The following USP6 variants were observed in gnomAD, a reference collection of about 807,000 sequenced individuals.
USP6 encodes ubiquitin specific peptidase 6, also known as ubiquitin carboxyl-terminal hydrolase 6.
A neutral mutation model predicts 175.7 loss-of-function variants in USP6; 128 were observed. The observed-to-expected ratio is 0.73, with a 90% CI of 0.63 to 0.84. USP6 has a LOEUF of 0.84. USP6 is among the 40% of genes least tolerant of loss of function. USP6 has a pLI of 0.00. For synonymous variants in USP6, 562 were observed against 630.6 expected, an observed-to-expected ratio of 0.89 and a Z score of 1.63; for missense variants, 1,498 against 1,760.3, an observed-to-expected ratio of 0.85 and a Z score of 2.67.
intron 4 of USP6, among the ~76,000 whole-genome samples, chr17:5,121,953 G>A (rs1324125595): frequency 5.3e-5 from 8 of 152,134 alleles, no homozygotes; most frequent in Non-Finnish European, 1.2e-4. Context: ...ATTAGATCAC[G>A]TAGGCAATGG....
rs1405079416 is a variant in USP6 at position 5,135,903 on chromosome 17, G to C, written c.639G>C (p.Leu213=). ...CATTCTGGGCACTGGTGCAGCTGCT[G>C]GCCAGTGAGAGGCACTCCCTGCCAG... ...EDAFWALVQL[L]ASERHSLPGF... The change falls in exon 17 of 38, where the codon CTG becomes CTC. Residue 213 remains leucine (L), a synonymous_variant. Transcript: ENST00000574788. The C allele has an allele frequency of 6.3e-7, 1 of 1,598,910 alleles. No homozygotes were observed. Among genetic ancestry groups the C allele is most frequent in the South Asian group, 1.1e-5 (1 of 90,992 alleles).
chr17:5,172,374 A>C (rs1380046247), intron 37 of USP6, among the ~76,000 whole-genome samples: 1 of 150,244 alleles, frequency 6.7e-6, no homozygotes, highest in Non-Finnish European at 1.5e-5. Context: ...TACTAAAACT[A>C]CAAAAAATTA....
rs879005402 is a variant in USP6 at position 5,133,797 on chromosome 17, G to A, written c.385-90G>A. ...AACCTTCCTTCTTTCCTTCCTTCCC[G>A]AAGTGCTGACTGTGGGCTGACTGCC... is the stretch of plus-strand genomic sequence containing the variant. On this transcript the variant is annotated intron_variant, in intron 14 of 37. Coordinates refer to ENST00000574788, the MANE Select transcript of USP6 (RefSeq NM_001304284.2). The A allele has an allele frequency of 1.7e-5, 24 of 1,392,322 alleles. No homozygotes were observed. The highest frequency in any genetic ancestry group is 2.3e-5 in the South Asian group (2 of 86,388). The allele number at this position is 1,392,322 out of a possible 1,614,324, so 86.2% of individuals were successfully genotyped here. A position where few individuals can be genotyped will look rare whatever the true frequency, so the allele number is the denominator to read the frequency against.
In USP6 at chr17:5,149,276, G is replaced by A. The variant is rs148358012; in HGVS notation, c.2643+509G>A. Reference sequence around the variant, plus strand: ...AAATTAGCTGGGCATGGTGGCATGCGCCTGTAGTTTCAGCTACTTGAGAGG... The same window carrying A: ...AAATTAGCTGGGCATGGTGGCATGCACCTGTAGTTTCAGCTACTTGAGAGG... On this transcript the variant is annotated intron_variant, in intron 30 of 37. Transcript: ENST00000574788. Among the ~76,000 whole-genome samples, 602 of 152,158 alleles carry A rather than the reference G, an allele frequency of 4.0e-3. 4 individuals are homozygous for A. Among genetic ancestry groups the A allele is most frequent in the African/African-American group, 0.014 (573 of 41,504 alleles).
Position 5,135,829 on chromosome 17 carries a change from C to A in USP6, c.565C>A (p.Leu189Met). The A allele has an allele frequency of 6.3e-7, 1 of 1,598,606 alleles. No homozygotes were observed. The highest frequency in any genetic ancestry group is 1.3e-5 in the African/African-American group (1 of 74,976). Residue 189 changes from leucine to methionine, a missense_variant, in exon 17 of 38, where the codon CTG (leucine) becomes ATG (methionine). Physicochemically the swap from Leu to Met is conservative, Grantham distance 15. Coordinates refer to ENST00000574788, the MANE Select transcript of USP6 (RefSeq NM_001304284.2). ...GCAGGAGGTGGGCTACTGCAGGGACCTGAGCCACATCACCGCCTTGTTCCT... is the reference window on the plus strand; with the variant it reads ...GCAGGAGGTGGGCTACTGCAGGGACATGAGCCACATCACCGCCTTGTTCCT... ...YNPEVGYCRD[L>M]SHITALFLLY...
At chr17:5,153,793 C>G (rs892296620) in intron 30 of USP6, among the ~76,000 whole-genome samples, 2 of 152,060 alleles carry the variant, frequency 1.3e-5, no homozygotes, top group African/African-American at 4.8e-5. Flanking sequence ...GTAGCTGGGA[C>G]TACAGGCGCG....
Position 5,174,109 on chromosome 17 carries a change from T to A in USP6, c.*1131T>A, listed in dbSNP as rs1192230373. ...TTGTTTGCATGTCCACTGGTTTTTTTATTTTGATATTTGTCTTTTTTTAAA... is the reference window on the plus strand; with the variant it reads ...TTGTTTGCATGTCCACTGGTTTTTTAATTTTGATATTTGTCTTTTTTTAAA... On this transcript the variant is annotated 3_prime_UTR_variant, in exon 38 of 38. Coordinates refer to ENST00000574788, the MANE Select transcript of USP6 (RefSeq NM_001304284.2). The A allele has an allele frequency of 1.5e-5, 3 of 202,356 alleles. No homozygotes were observed. Among genetic ancestry groups the A allele is most frequent in the African/African-American group, 2.3e-5 (1 of 43,714 alleles). The allele number at this position is 202,356 out of a possible 1,614,324, so 12.5% of individuals were successfully genotyped here. A position where few individuals can be genotyped will look rare whatever the true frequency, so the allele number is the denominator to read the frequency against.
chr17:5,168,136 C>A lies in USP6; in HGVS notation c.3228+13C>A. 3 of 1,588,078 alleles carry A rather than the reference C, an allele frequency of 1.9e-6. No homozygotes were observed. Among genetic ancestry groups the A allele is most frequent in the South Asian group, 1.1e-5 (1 of 89,484 alleles). Reference sequence around the variant, plus strand: ...TCCACCCTTCCTGGTATGTTACGGTCCTGCCTCTGAGAGAGCAGGAATCTA... The same window carrying A: ...TCCACCCTTCCTGGTATGTTACGGTACTGCCTCTGAGAGAGCAGGAATCTA... On this transcript the variant is annotated intron_variant, in intron 34 of 37. Transcript: ENST00000574788.
chr17:5,146,639 C>T (rs2144007079), intron 28 of USP6, among the ~76,000 whole-genome samples: 1 of 152,232 alleles, frequency 6.6e-6, no homozygotes, highest in East Asian at 1.9e-4. Context: ...TCATGTCTTT[C>T]TACAAACCAG....
In USP6 at chr17:5,132,136, C is replaced by G. The variant is rs1235338666; in HGVS notation, c.156-260C>G. Reference sequence around the variant, plus strand: ...CTCAAGTCCAGGATGGGCAGCCCCACTGTGGCCTGACCACCCCCCATGCCA... The same window carrying G: ...CTCAAGTCCAGGATGGGCAGCCCCAGTGTGGCCTGACCACCCCCCATGCCA... On this transcript the variant is annotated intron_variant, in intron 11 of 37. Transcript: ENST00000574788. This position sits in a 1 kb window ranked among gnomAD's most constrained non-coding sequence, Gnocchi z 4.7. 2 of 1,344,766 alleles carry G rather than the reference C, an allele frequency of 1.5e-6. No homozygotes were observed. The highest frequency in any genetic ancestry group is 1.5e-5 in the African/African-American group (1 of 68,442). The allele number at this position is 1,344,766 out of a possible 1,614,324, so 83.3% of individuals were successfully genotyped here.
intron 4 of USP6, among the ~76,000 whole-genome samples, chr17:5,123,484 G>A (rs1009693299): frequency 1.3e-5 from 2 of 152,072 alleles, no homozygotes; most frequent in Non-Finnish European, 2.9e-5. Context: ...CGCGTCACCC[G>A]GCAGCAAACA....
intron 31 of USP6, among the ~76,000 whole-genome samples, chr17:5,159,318 G>T (rs1459310328): frequency 6.6e-6 from 1 of 152,192 alleles, no homozygotes; most frequent in East Asian, 1.9e-4. Context: ...TATTCACAAG[G>T]TCTAGAATAT....
At chr17:5,157,142 G>A (rs573596831) in intron 31 of USP6, among the ~76,000 whole-genome samples, 15 of 152,300 alleles carry the variant, frequency 9.8e-5, no homozygotes, top group Admixed American at 2.0e-4. Context: ...CTGGAGTGCA[G>A]TGGTGTGATC....
Position 5,136,711 on chromosome 17 carries a change from C to T in USP6, c.736C>T (p.Gln246Ter). ...ACAGGAGCATGTGGTACCCAAGTCA[C>T]AACCCAAGACCATGTGGCATCAGGT... Reference protein sequence around the residue: ...DQQEHVVPKSQPKTMWHQDKE... With the variant: ...DQQEHVVPKS The change falls in exon 18 of 38, where the codon CAA becomes TAA. Residue 246 changes from glutamine to a stop codon, truncating the protein, a stop_gained. Transcript: ENST00000574788. LOFTEE classifies it high-confidence loss of function. 6.2e-7 allele frequency: 1 copy of T among 1,612,370 alleles called. No individual in the cohort carries two copies. The highest frequency in any genetic ancestry group is 8.5e-7 in the Non-Finnish European group (1 of 1,179,762).
chr17:5,133,963 A>G lies in USP6; in HGVS notation c.461A>G (p.Asn154Ser). 2 of 1,614,154 alleles carry G rather than the reference A, an allele frequency of 1.2e-6. No homozygotes were observed. The highest frequency in any genetic ancestry group is 1.7e-6 in the Non-Finnish European group (2 of 1,180,008). ...CTGGACGTGAGGACGACTCTCCGGA[A>G]CCATGTCTTCTTTAGGGATCGATAT... ...IDLDVRTTLR[N>S]HVFFRDRYGA... Residue 154 changes from asparagine to serine, a missense_variant, in exon 15 of 38, where the codon AAC becomes AGC. By Grantham distance (46) the Asn-to-Ser change is conservative (BLOSUM62 1). This residue lies in a region of USP6 where 281 missense variants were observed against 259.6 expected (regional missense o/e 1.08). Transcript: ENST00000574788.
rs1597985931 is a variant in USP6, at chr17:5,130,063, T to G, written c.-28T>G. The G allele has an allele frequency of 2.5e-6, 1 of 393,554 alleles. No individual in the cohort carries two copies. The highest frequency in any genetic ancestry group is 3.7e-5 in the Admixed American group (1 of 27,310). 24.4% of individuals were successfully genotyped at this position (393,554 alleles called of 1,614,324 possible). A position where few individuals can be genotyped will look rare whatever the true frequency, so the allele number is the denominator to read the frequency against. Reference sequence around the variant, plus strand: ...TCACAGGCTCTTCACCCTTGGCAGGTGGACACCATTCAACCTGCCGGGGCA... The same window carrying G: ...TCACAGGCTCTTCACCCTTGGCAGGGGGACACCATTCAACCTGCCGGGGCA... On this transcript the variant is annotated 5_prime_UTR_variant, in exon 9 of 38. Transcript: ENST00000574788.
chr17:5,135,372 G>T (rs2073220169), intron 16 of USP6, 90 bp downstream of exon 16: 17 of 1,514,150 alleles, frequency 1.1e-5, no homozygotes, highest in Non-Finnish European at 1.6e-5. Context: ...TTCTTTTAAA[G>T]TTGGTATTTG....
chr17:5,155,912 G>A (rs138799356), intron 31 of USP6, among the ~76,000 whole-genome samples: 77 of 152,162 alleles, frequency 5.1e-4, no homozygotes, highest in East Asian at 3.9e-4. Flanking sequence ...GCCTGGATTC[G>A]TCCTGCTAAT....
rs1390834516 is a variant in USP6, at chr17:5,168,071, C to A, written c.3176C>A (p.Thr1059Asn). ...SEMYYCSKCK[T>N]HCLATKKLDL... ...ATGTACTACTGTTCCAAGTGTAAGA[C>A]CCACTGCTTAGCAACAAAGAAGCTG... The change falls in exon 34 of 38, where the codon ACC becomes AAC. Residue 1059 changes from threonine (T) to asparagine (N), a missense_variant. Physicochemically the swap from Thr to Asn is moderately conservative, Grantham distance 65. Around this residue, in one of 2 missense-constraint regions of USP6, gnomAD observed 1,217 missense variants for 1,500.8 expected, o/e 0.81. Transcript: ENST00000574788. 6.2e-7 allele frequency: 1 copy of A among 1,611,812 alleles called. No individual in the cohort carries two copies.
Sources: gnomAD v4.1 joint callset for allele counts (sites outside exome capture counted in the v4.1 genomes callset) on GRCh38, gnomAD v4.1.1 for gene constraint, gnomAD v4.1.1 regional missense constraint, Gnocchi (gnomAD v3.1) non-coding constraint, MANE v1.5 for transcripts, NCBI Gene and HGNC (gene_info 2026-07-23, HGNC 2026-07-21) for gene names.